The following HECW2 variants were observed in gnomAD, a reference collection of about 807,000 sequenced individuals.
The protein encoded by HECW2 is E3 ubiquitin-protein ligase HECW2.
Under a neutral mutation model 175.2 loss-of-function variants are expected in HECW2, and 61 were observed. The observed-to-expected ratio is 0.35, with a 90% confidence interval of 0.28 to 0.43. The LOEUF (loss-of-function observed/expected upper bound fraction) is 0.43, where lower values mean the gene tolerates loss of function less well. Among genes scored for constraint, HECW2 ranks in the 20% least tolerant of loss-of-function variants. The pLI is 1.00. For missense variants in HECW2, 1,524 were observed against 2,000.5 expected (o/e 0.76, Z 4.54); for synonymous variants, 671 against 731.0 (o/e 0.92, Z 1.32).
intron 2 of HECW2, among the ~76,000 whole-genome samples, chr2:196,422,505 T>C (rs911028055): frequency 1.3e-5 from 2 of 151,994 alleles, no homozygotes; most frequent in African/African-American, 2.4e-5. Flanking sequence ...AATAATCTAA[T>C]ATGGAAAAAA....
intron 19 of HECW2, among the ~76,000 whole-genome samples, chr2:196,247,149 G>A (rs889696607): frequency 6.6e-6 from 1 of 152,100 alleles, no homozygotes; most frequent in African/African-American, 2.4e-5. Context: ...TACTTGGGGG[G>A]CTGAGGCAGG....
chr2:196,507,569 A>G (rs1687811570), intron 1 of HECW2, among the ~76,000 whole-genome samples: 1 of 152,238 alleles, frequency 6.6e-6, no homozygotes. Context: ...TATCCAGTTC[A>G]AAATGTCAAT....
intron 13 of HECW2, among the ~76,000 whole-genome samples, chr2:196,301,331 T>C (rs546634829): frequency 9.0e-4 from 137 of 152,340 alleles, no homozygotes; most frequent in African/African-American, 3.3e-3. Flanking sequence ...AGTGCCGCAA[T>C]GAACATACAT....
intron 1 of HECW2, among the ~76,000 whole-genome samples, chr2:196,531,757 T>TA (rs1688848567): frequency 1.3e-5 from 2 of 152,180 alleles, no homozygotes; most frequent in African/African-American, 4.8e-5. Context: ...CAGAATACTT[T>TA]ACCACCTCTT....
chr2:196,321,382 T>A (rs1468179123), intron 7 of HECW2, among the ~76,000 whole-genome samples: 1 of 46,580 alleles, frequency 2.1e-5, no homozygotes, highest in Non-Finnish European at 5.5e-5. Flanking sequence ...TGACTTATTC[T>A]TTTTCTCTCT....
chr2:196,425,760 A>T (rs1052363819), intron 2 of HECW2, among the ~76,000 whole-genome samples: 4 of 152,194 alleles, frequency 2.6e-5, no homozygotes, highest in African/African-American at 9.7e-5. Flanking sequence ...CTCCTGATAA[A>T]GAAGCTGTGA....
In HECW2 at chr2:196,292,557, C is replaced by T. The variant is rs373861027; in HGVS notation, c.3000+8G>A. 1.7e-5 allele frequency: 28 copies of T among 1,608,738 alleles called. No homozygotes were observed. The highest frequency in any genetic ancestry group is 8.9e-5 in the East Asian group (4 of 44,796). On this transcript the variant is annotated splice_region_variant and intron_variant, in intron 14 of 28. Coordinates refer to ENST00000644978, the MANE Select transcript of HECW2 (RefSeq NM_001348768.2). ...TTGGCACTCCCTGAGGCATCTCCCTCGTGTTACCTTGCCCTGGTGATCATG... is the reference window on the plus strand; with the variant it reads ...TTGGCACTCCCTGAGGCATCTCCCTTGTGTTACCTTGCCCTGGTGATCATG...
At chr2:196,509,827 A>G (rs1012999073) in intron 1 of HECW2, among the ~76,000 whole-genome samples, 2 of 152,292 alleles carry the variant, frequency 1.3e-5, no homozygotes, top group East Asian at 1.9e-4. Flanking sequence ...CTTCCATTCA[A>G]TCCTGCCAGG....
Position 196,319,515 on chromosome 2 carries a change from C to A in HECW2, c.1375G>T (p.Ala459Ser), listed in dbSNP as rs2105758536. ...TCATCTGAATCAATATGAAGCATGG[C>A]ATTGAGTCTTGTGTCAGTGGGAAAA... The part of the protein sequence containing the change: ...SSFPTDTRLN[A>S]MLHIDSDEED... The change falls in exon 9 of 29, where the codon GCC becomes TCC. Residue 459 changes from alanine (A) to serine (S), a missense_variant. Physicochemically the swap from Ala to Ser is moderately conservative, Grantham distance 99 (BLOSUM62 1). Transcript: ENST00000644978. 3 of 1,614,162 alleles carry A rather than the reference C, an allele frequency of 1.9e-6. No homozygotes were observed. In the East Asian group the frequency reaches 6.7e-5, roughly 36 times the overall value.
intron 24 of HECW2, 85 bp downstream of exon 24, chr2:196,222,126 C>A: frequency 8.1e-7 from 1 of 1,238,926 alleles, no homozygotes. Context: ...AAATAAGCAT[C>A]TGATCTTAGC....
At chr2:196,513,236 CA>C (rs1188369794) in intron 1 of HECW2, among the ~76,000 whole-genome samples, 1 of 152,176 alleles carries the variant, frequency 6.6e-6, no homozygotes, top group Non-Finnish European at 1.5e-5. Flanking sequence ...TTTCATCTTT[CA>C]CAAGAATCCA....
At chr2:196,378,138 A>T (rs1307572743) in intron 2 of HECW2, among the ~76,000 whole-genome samples, 2 of 152,188 alleles carry the variant, frequency 1.3e-5, no homozygotes, top group Non-Finnish European at 2.9e-5. Flanking sequence ...TAAAAACCCA[A>T]GCTCAGAAGT....
At chr2:196,550,855 C>A (rs538121351) in intron 1 of HECW2, among the ~76,000 whole-genome samples, 1 of 152,286 alleles carries the variant, frequency 6.6e-6, no homozygotes, top group East Asian at 1.9e-4. Context: ...ACATCCAATT[C>A]TTATCTTCTG....
chr2:196,337,689 C>G (rs781096385), intron 3 of HECW2, among the ~76,000 whole-genome samples: 25 of 151,064 alleles, frequency 1.7e-4, no homozygotes, highest in Non-Finnish European at 3.1e-4. Context: ...TTCTTTTGGG[C>G]TATAAAAAGA....
intron 2 of HECW2, among the ~76,000 whole-genome samples, chr2:196,412,831 G>A (rs1472745943): frequency 2.0e-5 from 3 of 152,154 alleles, no homozygotes; most frequent in African/African-American, 7.2e-5. Flanking sequence ...TTAAAATACT[G>A]CCCATGAATC....
At chr2:196,410,506 G>T (rs1320037637) in intron 2 of HECW2, among the ~76,000 whole-genome samples, 2 of 152,002 alleles carry the variant, frequency 1.3e-5, no homozygotes, top group Non-Finnish European at 2.9e-5. Context: ...CAAAAAGGGG[G>T]GAGTTTTTTA....
At chr2:196,273,136 C>T (rs1433173690) in intron 16 of HECW2, among the ~76,000 whole-genome samples, 9 of 144,606 alleles carry the variant, frequency 6.2e-5, no homozygotes, top group African/African-American at 2.4e-4. Context: ...GGTGCAATCT[C>T]GGCTCACTGG....
At chr2:196,373,109 AT>A (rs1447790105) in intron 2 of HECW2, among the ~76,000 whole-genome samples, 5 of 152,358 alleles carry the variant, frequency 3.3e-5, no homozygotes, top group African/African-American at 1.2e-4. Flanking sequence ...AATCACTGAA[AT>A]AAAATCTAGA....
chr2:196,558,638 G>A (rs974305984), intron 1 of HECW2, among the ~76,000 whole-genome samples: 4 of 152,148 alleles, frequency 2.6e-5, no homozygotes, highest in East Asian at 1.9e-4. Context: ...ACATGTTGGC[G>A]TATCCCTTGT....
Sources: allele counts gnomAD v4.1 joint callset (sites outside exome capture counted in the v4.1 genomes callset), GRCh38; gene constraint gnomAD v4.1.1; transcripts MANE v1.5; gene names NCBI Gene and HGNC (gene_info 2026-07-23, HGNC 2026-07-21).